DMD: variants seen among roughly 807,000 people sequenced by gnomAD.
The protein encoded by DMD is mutant dystrophin.
A neutral mutation model predicts 330.1 loss-of-function variants in DMD; 63 were observed. The observed-to-expected ratio is 0.19, with a 90% CI of 0.16 to 0.24. The LOEUF (loss-of-function observed/expected upper bound fraction) is 0.24, where lower values mean the gene tolerates loss of function less well. Ranked by LOEUF, DMD falls within the 10% of genes least tolerant of loss-of-function variation. The pLI, the probability that DMD is intolerant of heterozygous loss-of-function variation, is 1.00. For synonymous variants in DMD, 1,223 were observed against 959.8 expected (o/e 1.27, Z -5.07); for missense variants, 3,344 against 2,684.1 (o/e 1.25, Z -5.43).
intron 1 of DMD, among the ~76,000 whole-genome samples, chrX:33,124,476 G>GAAAAAAAAAA (rs56147804): frequency 1.2e-4 from 2 of 16,132 alleles, no homozygotes; most frequent in African/African-American, 5.5e-4. Flanking sequence ...GACTCTGTCT[G>GAAAAAAAAAA]AAAAAAAAAA....
intron 56 of DMD, among the ~76,000 whole-genome samples, chrX:31,504,346 A>C (rs1048892359): frequency 1.8e-5 from 2 of 112,156 alleles, no homozygotes; most frequent in Middle Eastern, 4.6e-3. Context: ...GGAAACTTCG[A>C]AATCATTTGG....
At chrX:32,889,747 A>C (rs1001270027) in intron 2 of DMD, among the ~76,000 whole-genome samples, 7 of 110,784 alleles carry the variant, frequency 6.3e-5, no homozygotes, top group Admixed American at 5.8e-4. Flanking sequence ...GCCTATCCCA[A>C]AACCTGTAAG....
At chrX:33,292,494 C>T (rs761874749) in intron 1 of DMD, among the ~76,000 whole-genome samples, 15 of 110,510 alleles carry the variant, frequency 1.4e-4, no homozygotes, top group Middle Eastern at 9.4e-3. Flanking sequence ...TTGAGAGCTA[C>T]TGGTTTTAAA....
At chrX:33,020,073 G>A in intron 2 of DMD, 66 bp downstream of exon 2, 1 of 868,006 alleles carries the variant, frequency 1.2e-6, no homozygotes, top group East Asian at 3.2e-5. Flanking sequence ...AGATACACAG[G>A]TACATAGTCC....
At chrX:31,762,519 A>T (rs910218403) in intron 51 of DMD, among the ~76,000 whole-genome samples, 4 of 111,850 alleles carry the variant, frequency 3.6e-5, no homozygotes, top group African/African-American at 1.3e-4. Flanking sequence ...CAGTGAGTCG[A>T]GATCGCGCCA....
At chrX:32,469,354 A>G (rs2040378487) in intron 22 of DMD, among the ~76,000 whole-genome samples, 1 of 110,464 alleles carries the variant, frequency 9.1e-6, no homozygotes, top group Non-Finnish European at 1.9e-5. Context: ...ATAAAATAAT[A>G]AAGGCTCATG....
intron 72 of DMD, 35 bp downstream of exon 72, chrX:31,173,504 A>G (rs1364755549): frequency 8.5e-7 from 1 of 1,179,862 alleles, no homozygotes; most frequent in Non-Finnish European, 1.2e-6. Flanking sequence ...AGTTATTTCA[A>G]TCAATATTTG....
intron 16 of DMD, among the ~76,000 whole-genome samples, chrX:32,546,557 A>G (rs1226179944): frequency 2.7e-5 from 3 of 111,560 alleles, no homozygotes; most frequent in African/African-American, 6.5e-5. Flanking sequence ...AAGGAATAAA[A>G]TCTTTTCCAT....
At chrX:33,043,251 C>T (rs960547971) in intron 1 of DMD, among the ~76,000 whole-genome samples, 1 of 111,234 alleles carries the variant, frequency 9.0e-6, no homozygotes, top group Non-Finnish European at 1.9e-5. Context: ...TTTTAGAATT[C>T]CCAATTTCCC....
rs910030590 is a variant in DMD at position 32,698,004 on chromosome X, G to C, written c.832-6C>G. On this transcript the variant is annotated splice_polypyrimidine_tract_variant and splice_region_variant and intron_variant, in intron 8 of 78. Coordinates refer to ENST00000357033, the MANE Select transcript of DMD (RefSeq NM_004006.3). The stretch of plus-strand genomic sequence containing the variant: ...TGTGCTAGACTGACCGTGATCTGCA[G>C]AGAAGGGTTTGGGGGAGTGGATAGA... 8.4e-7 allele frequency: 1 copy of C among 1,188,909 alleles called. No individual in the cohort carries two copies. Among genetic ancestry groups the C allele is most frequent in the Non-Finnish European group, 1.1e-6 (1 of 883,745 alleles).
intron 55 of DMD, among the ~76,000 whole-genome samples, chrX:31,551,181 GAA>G (rs10659535): frequency 5.3e-5 from 4 of 75,260 alleles, no homozygotes; most frequent in Non-Finnish European, 9.8e-5. Context: ...TCCATCTCGG[GAA>G]AAAAAAAAAA....
At chrX:31,560,903 G>A (rs992604914) in intron 55 of DMD, among the ~76,000 whole-genome samples, 1 of 112,057 alleles carries the variant, frequency 8.9e-6, no homozygotes, top group African/African-American at 3.2e-5. Context: ...TATGTTATCA[G>A]TATGGCTTCT....
chrX:32,096,773 G>A (rs1005048944), intron 44 of DMD, among the ~76,000 whole-genome samples: 1 of 111,340 alleles, frequency 9.0e-6, no homozygotes, highest in African/African-American at 3.3e-5. Flanking sequence ...GACTATATAC[G>A]CATAGCATTA....
chrX:32,150,765 C>T (rs962584843), intron 44 of DMD, among the ~76,000 whole-genome samples: 2 of 111,578 alleles, frequency 1.8e-5, no homozygotes, highest in African/African-American at 6.5e-5. Context: ...TTAGTGAGAG[C>T]AATCAGTAAG....
At chrX:32,706,120 A>G (rs1373939646) in intron 7 of DMD, among the ~76,000 whole-genome samples, 1 of 103,916 alleles carries the variant, frequency 9.6e-6, no homozygotes, top group African/African-American at 3.6e-5. Context: ...GCAAACTATC[A>G]CAAGGACAAA....
At chrX:31,752,612 C>G (rs2088683503) in intron 51 of DMD, among the ~76,000 whole-genome samples, 2 of 111,101 alleles carry the variant, frequency 1.8e-5, no homozygotes, top group South Asian at 7.7e-4. Flanking sequence ...CTGTGACTCC[C>G]TGAGGAAATC....
At chrX:32,549,210 C>A (rs1304585219) in intron 16 of DMD, among the ~76,000 whole-genome samples, 1 of 111,578 alleles carries the variant, frequency 9.0e-6, no homozygotes, top group Non-Finnish European at 1.9e-5. Context: ...AACACCAGAT[C>A]CATAGTTTAT....
intron 62 of DMD, among the ~76,000 whole-genome samples, chrX:31,269,985 A>T (rs1292819793): frequency 9.0e-6 from 1 of 111,413 alleles, no homozygotes; most frequent in Non-Finnish European, 1.9e-5. Context: ...CTACAGAAGG[A>T]GAGGAAAGGA....
At chrX:31,530,846 C>T (rs1270826678) in intron 55 of DMD, among the ~76,000 whole-genome samples, 2 of 38,668 alleles carry the variant, frequency 5.2e-5, no homozygotes, top group African/African-American at 2.1e-4. Context: ...CCACCACAGT[C>T]CCCAGAGTGT....
Sources: allele counts gnomAD v4.1 joint callset (sites outside exome capture counted in the v4.1 genomes callset), GRCh38; gene constraint gnomAD v4.1.1; transcripts MANE v1.5; gene names NCBI Gene and HGNC (gene_info 2026-07-23, HGNC 2026-07-21).